Variants in ELMO3 observed in about 807,000 individuals in gnomAD.
The protein encoded by ELMO3 is engulfment and cell motility protein 3.
In ELMO3, 81 loss-of-function variants were observed where a neutral mutation model predicts 89.0. The observed-to-expected ratio is 0.91, with a 90% CI of 0.76 to 1.09. The LOEUF is 1.09. ELMO3 is among the 50% of genes least tolerant of loss of function. ELMO3 has a pLI of 0.00. For synonymous variants in ELMO3, 406 were observed against 400.6 expected, an observed-to-expected ratio of 1.01 and a Z score of -0.16; for missense variants, 959 against 972.8, an observed-to-expected ratio of 0.99 and a Z score of 0.19.
In ELMO3 at chr16:67,201,877, A is replaced by C. The variant is rs777618199; in HGVS notation, c.1050+4A>C. ...GTTCCGCAAACTGGGCTTTTCTGTGAGTATCACCCCTACCCAACTCCCCAC... is the reference window on the plus strand; with the variant it reads ...GTTCCGCAAACTGGGCTTTTCTGTGCGTATCACCCCTACCCAACTCCCCAC... On this transcript the variant is annotated splice_donor_region_variant and intron_variant, in intron 11 of 19. Transcript: ENST00000393997. 2.5e-6 allele frequency: 4 copies of C among 1,605,006 alleles called. No homozygotes were observed. The African/African-American group carries it at 5.4e-5, about 21-fold the overall frequency.
In ELMO3 at chr16:67,202,515, A is replaced by C; in HGVS notation, c.1380A>C (p.Thr460=). Reference sequence around the variant, plus strand: ...AGACCTGGAAGGAGATGCGGGCTACACAGGAGGACTTCGACAAGGTGGGTG... The same window carrying C: ...AGACCTGGAAGGAGATGCGGGCTACCCAGGAGGACTTCGACAAGGTGGGTG... The part of the protein sequence containing the change: ...LNKTWKEMRA[T]QEDFDKVMQV... Residue 460 remains threonine, a synonymous_variant, in exon 14 of 20, where the codon ACA becomes ACC. Transcript: ENST00000393997. 4 of 1,612,476 alleles carry C rather than the reference A, an allele frequency of 2.5e-6. No individual in the cohort carries two copies. The highest frequency in any genetic ancestry group is 3.4e-6 in the Non-Finnish European group (4 of 1,179,948).
Position 67,199,560 on chromosome 16 carries a change from C to T in ELMO3, c.86C>T (p.Pro29Leu), listed in dbSNP as rs753333007. 12 of 1,608,074 alleles carry T rather than the reference C, an allele frequency of 7.5e-6. No individual in the cohort carries two copies. Among genetic ancestry groups the T allele is most frequent in the Non-Finnish European group, 1.0e-5 (12 of 1,179,352 alleles). ...TGACCACTCCACTTGCAGGCGAAGC[C>T]CCTGGCCGCTGTGCTGAAGGAGGTG... ...PQLIQLDQAK[P>L]LAAVLKEVCD... Residue 29 changes from proline to leucine, a missense_variant, in exon 2 of 20, where the codon CCC (proline) becomes CTC (leucine). Pro to Leu is a moderately conservative substitution (Grantham distance 98). Coordinates refer to ENST00000393997, the MANE Select transcript of ELMO3 (RefSeq NM_024712.5).
rs753723331 is a variant in ELMO3, at chr16:67,203,518, T to G, written c.1885T>G (p.Ser629Ala). 4.3e-6 allele frequency: 7 copies of G among 1,613,324 alleles called. No homozygotes were observed. In the East Asian group the frequency reaches 1.6e-4, roughly 36 times the overall value. ...QNKDLYELAF[S>A]ISYDRGEEEA... is the part of the protein sequence containing the mutation. Reference sequence around the variant, plus strand: ...CCAGGACCTCTATGAGTTGGCCTTCTCAATCAGCTATGACCGTGGGGAGGA... The same window carrying G: ...CCAGGACCTCTATGAGTTGGCCTTCGCAATCAGCTATGACCGTGGGGAGGA... Residue 629 changes from serine (S) to alanine (A), a missense_variant, in exon 19 of 20, where the codon TCA becomes GCA. Physicochemically the swap from Ser to Ala is moderately conservative, Grantham distance 99. Transcript: ENST00000393997. The surrounding 1 kb of genome is among the most constrained non-coding windows in gnomAD (Gnocchi z 4.6).
Position 67,201,883 on chromosome 16 carries a change from AC to A in ELMO3, c.1050+14del. ...CAAACTGGGCTTTTCTGTGAGTATCACCCCTACCCAACTCCCCACCCCTGCC... is the reference window on the plus strand; with the variant it reads ...CAAACTGGGCTTTTCTGTGAGTATCACCCTACCCAACTCCCCACCCCTGCC... On this transcript the variant is annotated intron_variant, in intron 11 of 19. Coordinates refer to ENST00000393997, the MANE Select transcript of ELMO3 (RefSeq NM_024712.5). 6.2e-7 allele frequency: 1 copy of A among 1,601,978 alleles called. No individual in the cohort carries two copies. Among genetic ancestry groups the A allele is most frequent in the Non-Finnish European group, 8.5e-7 (1 of 1,174,974 alleles).
chr16:67,202,078 G>C lies in ELMO3; in HGVS notation c.1152G>C (p.Arg384=). ...FSRNAPSAYS[R]FVLENSSRED... is the part of the protein sequence containing the mutation. ...GAAACGCGCCCAGCGCGTACAGCCG[G>C]GTCGGTGACAGGGTAGGGTGGGGGG... The change falls in exon 12 of 20, where the codon CGG becomes CGC. Residue 384 remains arginine, a splice_region_variant and synonymous_variant. Coordinates refer to ENST00000393997, the MANE Select transcript of ELMO3 (RefSeq NM_024712.5). The C allele has an allele frequency of 6.2e-7, 1 of 1,613,074 alleles. No homozygotes were observed. The highest frequency in any genetic ancestry group is 8.5e-7 in the Non-Finnish European group (1 of 1,179,898).
chr16:67,199,315 C>T lies in ELMO3; in HGVS notation c.-12C>T, dbSNP rs780454630. The T allele has an allele frequency of 4.7e-5, 76 of 1,612,274 alleles. No homozygotes were observed. Among genetic ancestry groups the T allele is most frequent in the Non-Finnish European group, 6.3e-5 (74 of 1,179,910 alleles). On this transcript the variant is annotated 5_prime_UTR_variant, in exon 1 of 20. Coordinates refer to ENST00000393997, the MANE Select transcript of ELMO3 (RefSeq NM_024712.5). ...CTCCGGAAAGTGCAGGCGCCCACGTCCCAGCTGGACCATGGCGCCTCCGCG... is the reference window on the plus strand; with the variant it reads ...CTCCGGAAAGTGCAGGCGCCCACGTTCCAGCTGGACCATGGCGCCTCCGCG...
Position 67,200,524 on chromosome 16 carries a change from A to C in ELMO3, c.487A>C (p.Thr163Pro). The stretch of plus-strand genomic sequence containing the variant: ...GGAGCACGGCGTGGTGTCCTGGGAG[A>C]CTCTGAGCATCCCCTTTGTGAGGAA... Reference protein sequence around the residue: ...LMEHGVVSWETLSIPFVRKVV... With the variant: ...LMEHGVVSWEPLSIPFVRKVV... The change falls in exon 6 of 20, where the codon ACT becomes CCT. Residue 163 changes from threonine to proline, a missense_variant. By Grantham distance (38) the Thr-to-Pro change is conservative. Transcript: ENST00000393997. 6.2e-7 allele frequency: 1 copy of C among 1,612,154 alleles called. No individual in the cohort carries two copies. Among genetic ancestry groups the C allele is most frequent in the Non-Finnish European group, 8.5e-7 (1 of 1,179,638 alleles).
Position 67,200,696 on chromosome 16 carries a change from G to C in ELMO3, c.553G>C (p.Val185Leu). Residue 185 changes from valine to leucine, a missense_variant, in exon 7 of 20, where the codon GTG becomes CTG. By Grantham distance (32) the Val-to-Leu change is conservative. Transcript: ENST00000393997. Reference protein sequence around the residue: ...YVNMNLMDASVPPLALGLLES... With the variant: ...YVNMNLMDASLPPLALGLLES... Reference sequence around the variant, plus strand: ...GAACATGAACCTCATGGATGCCTCCGTGCCTCCCCTGGCCCTTGGGCTGCT... The same window carrying C: ...GAACATGAACCTCATGGATGCCTCCCTGCCTCCCCTGGCCCTTGGGCTGCT... 1 of 1,613,518 alleles carries C rather than the reference G, an allele frequency of 6.2e-7. No homozygotes were observed. The highest frequency in any genetic ancestry group is 8.5e-7 in the Non-Finnish European group (1 of 1,179,980).
intron 3 of ELMO3, 62 bp downstream of exon 3, chr16:67,199,818 G>C: frequency 6.2e-7 from 1 of 1,601,358 alleles, no homozygotes; most frequent in Non-Finnish European, 8.5e-7. Flanking sequence ...ACCTGGCCCC[G>C]ATAACTCTGG....
chr16:67,203,167 AC>A lies in ELMO3; in HGVS notation c.1725del (p.Tyr575Ter), dbSNP rs779428455. The A allele has an allele frequency of 4.3e-6, 7 of 1,612,254 alleles. No homozygotes were observed. The Admixed American group carries it at 1.2e-4, about 27-fold the overall frequency. On this transcript the variant is annotated frameshift_variant, in exon 17 of 20. Transcript: ENST00000393997. LOFTEE classifies it high-confidence loss of function. This position sits in a 1 kb window ranked among gnomAD's most constrained non-coding sequence, Gnocchi z 4.6. Reference sequence around the variant, plus strand: ...TCCCCCAACCACAAGCTGCTGCAGTACGGAGACATGGAGGAGGGCGCCAGCC... The same window carrying A: ...TCCCCCAACCACAAGCTGCTGCAGTAGGAGACATGGAGGAGGGCGCCAGCC... ...CLSPNHKLLQ[Y>X]GDMEEGASPP...
chr16:67,201,495 A>T (rs1295978892), intron 9 of ELMO3, 25 bp from the exon 10 acceptor site: 1 of 1,613,940 alleles, frequency 6.2e-7, no homozygotes. Flanking sequence ...GCCCTCGCTT[A>T]CACCAGGGAC....
chr16:67,202,934 C>G lies in ELMO3; in HGVS notation c.1605C>G (p.Ile535Met). 1.2e-6 allele frequency: 2 copies of G among 1,610,882 alleles called. No individual in the cohort carries two copies. The highest frequency in any genetic ancestry group is 1.1e-5 in the South Asian group (1 of 91,068). Residue 535 changes from isoleucine (I) to methionine (M), a missense_variant, in exon 16 of 20, where the codon ATC becomes ATG. Coordinates refer to ENST00000393997, the MANE Select transcript of ELMO3 (RefSeq NM_024712.5). ...EKLKPELMGL[I>M]RQQRLLRLCE... ...TGAAGCCAGAGCTCATGGGCCTGAT[C>G]CGCCAGCAGCGCTTGCTCCGCCTCT...
At position 67,203,212 on chromosome 16, in the gene ELMO3, T is replaced by C. The variant is rs777642994; in HGVS notation, c.1769T>C (p.Leu590Pro). 7.5e-6 allele frequency: 12 copies of C among 1,609,062 alleles called. No homozygotes were observed. The highest frequency in any genetic ancestry group is 6.7e-5 in the African/African-American group (5 of 74,896). ...GCCAGCCCGCCTACCCTGGAGAGTC[T>C]GCCCGAGCAACGTAAGGCGGGCAGG... ...EGASPPTLES[L>P]PEQLPVADMR... Residue 590 changes from leucine to proline, a missense_variant, in exon 17 of 20, where the codon CTG (leucine) becomes CCG (proline). Physicochemically the swap from Leu to Pro is moderately conservative, Grantham distance 98 (BLOSUM62 -3). Transcript: ENST00000393997. The surrounding 1 kb of genome is among the most constrained non-coding windows in gnomAD (Gnocchi z 4.6).
Position 67,200,360 on chromosome 16 carries a change from G to A in ELMO3, c.412G>A (p.Asp138Asn), listed in dbSNP as rs201641837. The A allele has an allele frequency of 1.1e-5, 18 of 1,613,782 alleles. No homozygotes were observed. The African/African-American group carries it at 1.7e-4, about 16-fold the overall frequency. ...ILGTIIEDGD[D>N]LGEVLALSLR... The stretch of plus-strand genomic sequence containing the variant: ...AGGCACCATCATTGAAGATGGGGAC[G>A]AGTGAGCACAGGGATGTGTGGGCTG... Residue 138 changes from aspartate (D) to asparagine (N), a missense_variant and splice_region_variant, in exon 5 of 20, where the codon GAC (aspartate) becomes AAC (asparagine). By Grantham distance (23) the Asp-to-Asn change is conservative. Transcript: ENST00000393997.
chr16:67,202,722 T>C lies in ELMO3; in HGVS notation c.1494T>C (p.Tyr498=), dbSNP rs544344167. 1.2e-5 allele frequency: 20 copies of C among 1,613,620 alleles called. No individual in the cohort carries two copies. The highest frequency in any genetic ancestry group is 9.3e-5 in the African/African-American group (7 of 74,998). Residue 498 remains tyrosine (Y), a synonymous_variant, in exon 15 of 20, where the codon TAT becomes TAC. Transcript: ENST00000393997. ...GAACCAAGGTGAATGCGCTCACTTA[T>C]GGGGAGGTGCTGCGGCTGCGGCAGA... ...LFRTKVNALT[Y]GEVLRLRQTE... is the part of the protein sequence containing the mutation.
intron 8 of ELMO3, among the ~76,000 whole-genome samples, 172 bp downstream of exon 8, chr16:67,201,140 G>A (rs2033097241): frequency 6.6e-6 from 1 of 151,634 alleles, no homozygotes; most frequent in African/African-American, 2.4e-5. Flanking sequence ...CTGCCTCCCG[G>A]GTTCACACCA....
In ELMO3 at chr16:67,200,180, C is replaced by T. The variant is rs894041193; in HGVS notation, c.244-12C>T. The stretch of plus-strand genomic sequence containing the variant: ...AGCCTCTTCACCTCTGCTCCTGCTC[C>T]GTTCCTGCCAGGACCTTGAGGCTGA... On this transcript the variant is annotated splice_polypyrimidine_tract_variant and intron_variant, in intron 4 of 19. Transcript: ENST00000393997. The T allele has an allele frequency of 1.6e-5, 25 of 1,608,472 alleles. No homozygotes were observed. In the East Asian group the frequency reaches 2.7e-4, roughly 17 times the overall value.
At position 67,200,521 on chromosome 16, in the gene ELMO3, G is replaced by A; in HGVS notation, c.484G>A (p.Glu162Lys). 3 of 1,613,798 alleles carry A rather than the reference G, an allele frequency of 1.9e-6. No homozygotes were observed. The highest frequency in any genetic ancestry group is 2.5e-6 in the Non-Finnish European group (3 of 1,179,984). The change falls in exon 6 of 20, where the codon GAG becomes AAG. Residue 162 changes from glutamate to lysine, a missense_variant. By Grantham distance (56) the Glu-to-Lys change is moderately conservative. Coordinates refer to ENST00000393997, the MANE Select transcript of ELMO3 (RefSeq NM_024712.5). ...CATGGAGCACGGCGTGGTGTCCTGGGAGACTCTGAGCATCCCCTTTGTGAG... is the reference window on the plus strand; with the variant it reads ...CATGGAGCACGGCGTGGTGTCCTGGAAGACTCTGAGCATCCCCTTTGTGAG... ...ELMEHGVVSW[E>K]TLSIPFVRKV...
In ELMO3 at chr16:67,199,694, A is replaced by C. The variant is rs1405086831; in HGVS notation, c.130A>C (p.Thr44Pro). The stretch of plus-strand genomic sequence containing the variant: ...CCTCGTGCCCCTCAGGTGGAGCCTG[A>C]CGCACTCTGAGCGTTACGCCCTGCA... ...LKEVCDAWSL[T>P]HSERYALQFA... The change falls in exon 3 of 20, where the codon ACG becomes CCG. Residue 44 changes from threonine to proline, a missense_variant. Physicochemically the swap from Thr to Pro is conservative, Grantham distance 38. Coordinates refer to ENST00000393997, the MANE Select transcript of ELMO3 (RefSeq NM_024712.5). The C allele has an allele frequency of 6.8e-6, 11 of 1,610,370 alleles. No individual in the cohort carries two copies. Among genetic ancestry groups the C allele is most frequent in the Non-Finnish European group, 9.3e-6 (11 of 1,179,800 alleles).
Sources: allele counts gnomAD v4.1 joint callset (sites outside exome capture counted in the v4.1 genomes callset), GRCh38; gene constraint gnomAD v4.1.1; non-coding constraint Gnocchi (gnomAD v3.1); transcripts MANE v1.5; gene names NCBI Gene and HGNC (gene_info 2026-07-23, HGNC 2026-07-21).